Variants in HECTD2 observed in about 807,000 individuals in gnomAD.
HECTD2 encodes the protein HECT domain E3 ubiquitin protein ligase 2, also known as probable E3 ubiquitin-protein ligase HECTD2.
In HECTD2, 35 loss-of-function variants were observed where a neutral mutation model predicts 103.2. That is an observed-to-expected ratio of 0.34 (90% CI 0.26 to 0.45). The LOEUF (loss-of-function observed/expected upper bound fraction) is 0.45, where lower values mean the gene tolerates loss of function less well. Among genes scored for constraint, HECTD2 ranks in the 20% least tolerant of loss-of-function variants. The pLI is 1.00. For synonymous variants in HECTD2, 281 were observed against 329.9 expected, an observed-to-expected ratio of 0.85 and a Z score of 1.61; for missense variants, 596 against 937.4, an observed-to-expected ratio of 0.64 and a Z score of 4.76.
chr10:91,459,291 A>C (rs751643614), intron 2 of HECTD2, among the ~76,000 whole-genome samples: 1 of 152,052 alleles, frequency 6.6e-6, no homozygotes, highest in Non-Finnish European at 1.5e-5. Flanking sequence ...TCTGGAAAAC[A>C]AGTTTGGCAG....
In HECTD2 at chr10:91,460,555, A is replaced by G; in HGVS notation, c.397A>G (p.Lys133Glu). The change falls in exon 3 of 21, where the codon AAA becomes GAA. Residue 133 changes from lysine (K) to glutamate (E), a missense_variant. By Grantham distance (56) the Lys-to-Glu change is moderately conservative. Coordinates refer to ENST00000298068, the MANE Select transcript of HECTD2 (RefSeq NM_182765.6). ...PILPIQPKTV[K>E]DFQEDVEKVK... ...TCTTCCTATCCAGCCCAAAACTGTGAAAGACTTTCAGTAAGTTTCAGCTAT... is the reference window on the plus strand; with the variant it reads ...TCTTCCTATCCAGCCCAAAACTGTGGAAGACTTTCAGTAAGTTTCAGCTAT... 10 of 1,608,256 alleles carry G rather than the reference A, an allele frequency of 6.2e-6. No individual in the cohort carries two copies. Among genetic ancestry groups the G allele is most frequent in the South Asian group, 1.1e-5 (1 of 89,282 alleles).
intron 2 of HECTD2, among the ~76,000 whole-genome samples, chr10:91,437,619 C>CTTTTTTTTTTTTTTTTTTTTTTTTTTTT (rs59785873): frequency 2.3e-5 from 2 of 87,396 alleles, no homozygotes; most frequent in Non-Finnish European, 2.7e-5. Context: ...GATGGTTGTT[C>CTTTTTTTTTTTTTTTTTTTTTTTTTTTT]TTTTTTTTTT....
chr10:91,501,901 A>C (rs1846916117), intron 20 of HECTD2, among the ~76,000 whole-genome samples: 1 of 151,990 alleles, frequency 6.6e-6, no homozygotes. Flanking sequence ...AATAACTTAT[A>C]ATTTCTAAAG....
At chr10:91,437,445 T>C (rs1415710033) in intron 2 of HECTD2, among the ~76,000 whole-genome samples, 1 of 152,194 alleles carries the variant, frequency 6.6e-6, no homozygotes, top group East Asian at 1.9e-4. Context: ...TTTAATAACC[T>C]ACTCATGCAG....
At chr10:91,472,747 A>T (rs1304054846) in intron 5 of HECTD2, among the ~76,000 whole-genome samples, 1 of 152,246 alleles carries the variant, frequency 6.6e-6, no homozygotes, top group African/African-American at 2.4e-5. Context: ...AACCACAGTG[A>T]CATAACATCT....
In HECTD2 at chr10:91,496,232, T is replaced by C; in HGVS notation, c.1540T>C (p.Tyr514His). ...TGCATAGCTTATGGGACTAGCTGTT[T>C]ATAACAGCATCACCTTGGATATTCG... is the stretch of plus-strand genomic sequence containing the variant. ...LVGILMGLAV[Y>H]NSITLDIRFP... Residue 514 changes from tyrosine (Y) to histidine (H), a missense_variant, in exon 15 of 21, where the codon TAT (tyrosine) becomes CAT (histidine). By Grantham distance (83) the Tyr-to-His change is moderately conservative. This residue lies in a region of HECTD2 where 303 missense variants were observed against 522.5 expected (regional missense o/e 0.58). Coordinates refer to ENST00000298068, the MANE Select transcript of HECTD2 (RefSeq NM_182765.6). 6.2e-7 allele frequency: 1 copy of C among 1,612,136 alleles called. No individual in the cohort carries two copies. The highest frequency in any genetic ancestry group is 8.5e-7 in the Non-Finnish European group (1 of 1,178,694).
chr10:91,455,503 G>A (rs1205055584), intron 2 of HECTD2, among the ~76,000 whole-genome samples: 3 of 151,950 alleles, frequency 2.0e-5, no homozygotes, highest in Non-Finnish European at 4.4e-5. Context: ...TTGCAAAAAT[G>A]TTCTCCCATT....
chr10:91,508,542 A>T (rs1847287117), intron 20 of HECTD2, among the ~76,000 whole-genome samples: 1 of 151,004 alleles, frequency 6.6e-6, no homozygotes, highest in Admixed American at 6.6e-5. Flanking sequence ...ATCACTGGCC[A>T]TCAGAGAAAT....
intron 2 of HECTD2, among the ~76,000 whole-genome samples, chr10:91,439,604 T>C (rs963141575): frequency 2.0e-5 from 3 of 152,180 alleles, no homozygotes; most frequent in African/African-American, 7.2e-5. Context: ...AGTAGTTTTT[T>C]CTAATTCTGT....
At position 91,460,672 on chromosome 10, in the gene HECTD2, T is replaced by C. The variant is rs1284478940; in HGVS notation, c.407+107T>C. ...TTAACTTTTGGATCACTATAAGATA[T>C]TAGCCAAGAGGACCTCAAAAGACTA... On this transcript the variant is annotated intron_variant, in intron 3 of 20. Transcript: ENST00000298068. The C allele has an allele frequency of 5.4e-6, 6 of 1,113,716 alleles. No individual in the cohort carries two copies. In the South Asian group the frequency reaches 1.4e-4, roughly 27 times the overall value. 69.0% of individuals were successfully genotyped at this position (1,113,716 alleles called of 1,614,324 possible).
intron 20 of HECTD2, among the ~76,000 whole-genome samples, chr10:91,502,689 A>G (rs1244264059): frequency 2.0e-5 from 3 of 152,162 alleles, no homozygotes; most frequent in Non-Finnish European, 4.4e-5. Context: ...TTTTTAGATT[A>G]TAGATTTTTT....
At chr10:91,504,058 C>T (rs2133363576) in intron 20 of HECTD2, among the ~76,000 whole-genome samples, 1 of 152,280 alleles carries the variant, frequency 6.6e-6, no homozygotes, top group Non-Finnish European at 1.5e-5. Flanking sequence ...AGACCTGCAC[C>T]TGAGGGTCCT....
intron 5 of HECTD2, among the ~76,000 whole-genome samples, chr10:91,470,952 TC>T: frequency 6.6e-6 from 1 of 151,754 alleles, no homozygotes; most frequent in Admixed American, 6.6e-5. Flanking sequence ...CATCTTGATA[TC>T]ATCTTTTCTG....
chr10:91,485,233 A>C lies in HECTD2; in HGVS notation c.1024A>C (p.Asn342His), dbSNP rs1462197242. Reference protein sequence around the residue: ...PPLIPYTDFYNSTLDHIDLME... With the variant: ...PPLIPYTDFYHSTLDHIDLME... ...CCTTATTCCTTATACTGATTTCTATAATTCTACATTGGATCACATTGATCT... is the reference window on the plus strand; with the variant it reads ...CCTTATTCCTTATACTGATTTCTATCATTCTACATTGGATCACATTGATCT... The change falls in exon 10 of 21, where the codon AAT becomes CAT. Residue 342 changes from asparagine (N) to histidine (H), a missense_variant. By Grantham distance (68) the Asn-to-His change is moderately conservative. Around this residue, in one of 4 missense-constraint regions of HECTD2, gnomAD observed 303 missense variants for 522.5 expected, o/e 0.58. Coordinates refer to ENST00000298068, the MANE Select transcript of HECTD2 (RefSeq NM_182765.6). 1 of 1,583,808 alleles carries C rather than the reference A, an allele frequency of 6.3e-7. No individual in the cohort carries two copies. Among genetic ancestry groups the C allele is most frequent in the Non-Finnish European group, 8.6e-7 (1 of 1,160,468 alleles).
At chr10:91,498,804 C>T in intron 16 of HECTD2, 68 bp from the exon 17 acceptor site, 1 of 948,682 alleles carries the variant, frequency 1.1e-6, no homozygotes, top group South Asian at 1.6e-5. Flanking sequence ...TTAAATTTTA[C>T]AAACCTGTTC....
At chr10:91,419,329 T>C (rs1218512808) in intron 1 of HECTD2, among the ~76,000 whole-genome samples, 1 of 152,052 alleles carries the variant, frequency 6.6e-6, no homozygotes, top group Non-Finnish European at 1.5e-5. Context: ...TCAATAGAGG[T>C]TGAAAGTAGG....
intron 2 of HECTD2, among the ~76,000 whole-genome samples, chr10:91,444,748 C>A (rs770716856): frequency 2.2e-5 from 3 of 137,264 alleles, no homozygotes; most frequent in Non-Finnish European, 4.4e-5. Context: ...AGACCTCAAA[C>A]TGACATTATA....
chr10:91,420,815 T>C (rs1299604227), intron 1 of HECTD2, among the ~76,000 whole-genome samples: 4 of 152,108 alleles, frequency 2.6e-5, no homozygotes, highest in African/African-American at 7.2e-5. Flanking sequence ...AGCATCAATG[T>C]CCATCATGCC....
At chr10:91,505,006 C>T (rs1051550616) in intron 20 of HECTD2, among the ~76,000 whole-genome samples, 6 of 152,134 alleles carry the variant, frequency 3.9e-5, no homozygotes, top group Non-Finnish European at 8.8e-5. Flanking sequence ...CCCAGAATTT[C>T]ATATCCAGCC....
Sources: allele counts gnomAD v4.1 joint callset (sites outside exome capture counted in the v4.1 genomes callset), GRCh38; gene constraint gnomAD v4.1.1; regional missense constraint gnomAD v4.1.1; transcripts MANE v1.5; gene names NCBI Gene and HGNC (gene_info 2026-07-23, HGNC 2026-07-21).